TAPBPL: variants seen among roughly 807,000 people sequenced by gnomAD.
TAPBPL encodes TAP binding protein like.
Under a neutral mutation model 44.8 loss-of-function variants are expected in TAPBPL, and 32 were observed. The observed-to-expected ratio is 0.71, with a 90% CI of 0.54 to 0.96. The LOEUF (loss-of-function observed/expected upper bound fraction) is 0.96. Among genes scored for constraint, TAPBPL ranks in the 40% least tolerant of loss-of-function variants. The pLI is 0.00. For missense variants in TAPBPL, 520 were observed against 586.6 expected, an observed-to-expected ratio of 0.89 and a Z score of 1.17; for synonymous variants, 230 against 240.7, an observed-to-expected ratio of 0.96 and a Z score of 0.41.
In TAPBPL at chr12:6,452,598, A is replaced by G. The variant is rs991186124; in HGVS notation, c.64+286A>G. ...GCACTGGCCTGGGAGCTGACACTTC[A>G]GAAGAGGAAAGGACTCCCCAGGTGA... On this transcript the variant is annotated intron_variant, in intron 1 of 6. Transcript: ENST00000266556. 7 of 1,333,428 alleles carry G rather than the reference A, an allele frequency of 5.2e-6. No individual in the cohort carries two copies. In the African/African-American group the frequency reaches 1.0e-4, roughly 20 times the overall value. 82.6% of individuals were successfully genotyped at this position (1,333,428 alleles called of 1,614,324 possible). A position where few individuals can be genotyped will look rare whatever the true frequency, so the allele number is the denominator to read the frequency against.
intron 1 of TAPBPL, 157 bp downstream of exon 1, chr12:6,452,469 G>C: frequency 7.0e-7 from 1 of 1,429,038 alleles, no homozygotes; most frequent in East Asian, 2.6e-5. Flanking sequence ...GCAAAGGAAG[G>C]AACCAATAGT....
chr12:6,458,876 C>T lies in TAPBPL; in HGVS notation c.1136C>T (p.Thr379Ile). The T allele has an allele frequency of 1.2e-6, 2 of 1,614,198 alleles. No individual in the cohort carries two copies. Among genetic ancestry groups the T allele is most frequent in the Admixed American group, 1.7e-5 (1 of 60,022 alleles). ...LTAEPGSAGA[T>I]YTCQVTHISL... ...GCAGAACCTGGCTCTGCAGGTGCCA[C>T]TTACACCTGCCAGGTCACACACATC... Residue 379 changes from threonine to isoleucine, a missense_variant, in exon 5 of 7, where the codon ACT becomes ATT. Transcript: ENST00000266556.
chr12:6,463,896 TAACTA>T (rs1485331581), downstream of TAPBPL: 16 of 1,285,154 alleles, frequency 1.2e-5, no homozygotes, highest in African/African-American at 2.4e-4. The surrounding 1 kb of genome is among the most constrained non-coding windows in gnomAD (Gnocchi z 4.0). Flanking sequence ...AGATTAGAAA[TAACTA>T]CAAAAAACAA....
chr12:6,463,991 C>T, downstream of TAPBPL: 1 of 1,291,432 alleles, frequency 7.7e-7, no homozygotes, highest in Non-Finnish European at 1.0e-6. The surrounding 1 kb of genome is among the most constrained non-coding windows in gnomAD (Gnocchi z 4.0). Context: ...CAGGCCTGGT[C>T]CAGGAAGGAA....
downstream of TAPBPL, chr12:6,463,067 C>T (rs1949922430): frequency 1.3e-6 from 2 of 1,536,634 alleles, no homozygotes; most frequent in African/African-American, 1.4e-5. The surrounding 1 kb of genome is among the most constrained non-coding windows in gnomAD (Gnocchi z 4.0). Flanking sequence ...GCTTATCCCA[C>T]ATTAATAGCC....
Position 6,462,070 on chromosome 12 carries a change from G to A in TAPBPL, c.1328G>A (p.Trp443Ter), listed in dbSNP as rs760341891. Residue 443 changes from tryptophan to a stop codon, truncating the protein, a stop_gained, in exon 7 of 7, where the codon TGG becomes TAG. Coordinates refer to ENST00000266556, the MANE Select transcript of TAPBPL (RefSeq NM_018009.5). LOFTEE classifies it low-confidence loss of function (END_TRUNC). ...TGLGLLQAER[W>*]ETTSCADTQS... ...CTTGGGCTGCTTCAGGCTGAACGCT[G>A]GGAGACCACTTCCTGTGCTGACACA... The A allele has an allele frequency of 1.7e-5, 28 of 1,613,638 alleles. No individual in the cohort carries two copies. Among genetic ancestry groups the A allele is most frequent in the East Asian group, 6.7e-5 (3 of 44,880 alleles).
In TAPBPL at chr12:6,453,784, G is replaced by A. The variant is rs1949631056; in HGVS notation, c.565+68G>A. On this transcript the variant is annotated intron_variant, in intron 3 of 6. Transcript: ENST00000266556. This position sits in a 1 kb window ranked among gnomAD's most constrained non-coding sequence, Gnocchi z 4.8. ...TGTAATTCCAGAATTTTGGGATACC[G>A]AGGTCGGTGGATCACCTGAGGTCAG... is the stretch of plus-strand genomic sequence containing the variant. 13 of 1,468,902 alleles carry A rather than the reference G, an allele frequency of 8.9e-6. No individual in the cohort carries two copies. Among genetic ancestry groups the A allele is most frequent in the Non-Finnish European group, 1.1e-5 (12 of 1,113,868 alleles). The allele number at this position is 1,468,902 out of a possible 1,614,324, so 91.0% of individuals were successfully genotyped here. A position where few individuals can be genotyped will look rare whatever the true frequency, so the allele number is the denominator to read the frequency against.
chr12:6,452,095 A>G lies in TAPBPL; in HGVS notation c.-154A>G, dbSNP rs1240499775. The G allele has an allele frequency of 3.4e-6, 3 of 894,010 alleles. No individual in the cohort carries two copies. The highest frequency in any genetic ancestry group is 1.7e-5 in the African/African-American group (1 of 59,612). The allele number at this position is 894,010 out of a possible 1,614,324, so 55.4% of individuals were successfully genotyped here. A position where few individuals can be genotyped will look rare whatever the true frequency, so the allele number is the denominator to read the frequency against. On this transcript the variant is annotated 5_prime_UTR_variant, in exon 1 of 7. Transcript: ENST00000266556. ...CCATCTTGCTCTAAGTGAAAGTGAA[A>G]GAAAAGTCGGCAGCAGAGGGAACAG...
chr12:6,466,259 C>T, downstream of TAPBPL: 1 of 1,614,208 alleles, frequency 6.2e-7, no homozygotes, highest in Non-Finnish European at 8.5e-7. Flanking sequence ...CTGTAGTCGT[C>T]TGTTACTGGT....
At chr12:6,468,762 C>A (rs1169609721), downstream of TAPBPL, among the ~76,000 whole-genome samples, 3 of 152,184 alleles carry the variant, frequency 2.0e-5, no homozygotes, top group Non-Finnish European at 2.9e-5. Context: ...GCTAAACTCA[C>A]CTCCTAAAGA....
At chr12:6,470,588 C>T (rs1406247534), downstream of TAPBPL, 3 of 1,609,904 alleles carry the variant, frequency 1.9e-6, no homozygotes, top group Non-Finnish European at 1.7e-6. Flanking sequence ...GCGAGACACC[C>T]GGTGAGGGAC....
At chr12:6,458,596 T>G (rs1188299327) in intron 4 of TAPBPL, 49 bp from the exon 5 acceptor site, 1 of 1,592,294 alleles carries the variant, frequency 6.3e-7, no homozygotes, top group Non-Finnish European at 8.6e-7. Flanking sequence ...GCTCCTCCGC[T>G]GTCCCCAGTT....
Position 6,458,766 on chromosome 12 carries a change from A to C in TAPBPL, c.1026A>C (p.Gly342=). 6.2e-7 allele frequency: 1 copy of C among 1,614,086 alleles called. No homozygotes were observed. Among genetic ancestry groups the C allele is most frequent in the Non-Finnish European group, 8.5e-7 (1 of 1,180,028 alleles). Residue 342 remains glycine, a synonymous_variant, in exon 5 of 7, where the codon GGA becomes GGC. Coordinates refer to ENST00000266556, the MANE Select transcript of TAPBPL (RefSeq NM_018009.5). ...VVTWTREELG[G]SPAQVSGASF... is the part of the protein sequence containing the mutation. ...CGTGGACCCGAGAGGAGCTGGGTGG[A>C]TCCCCAGCCCAAGTCTCTGGTGCCT... is the stretch of plus-strand genomic sequence containing the variant.
chr12:6,467,372 T>C (rs919362453), downstream of TAPBPL, among the ~76,000 whole-genome samples: 4 of 152,180 alleles, frequency 2.6e-5, no homozygotes, highest in Admixed American at 1.3e-4. Flanking sequence ...GTTAGTGATA[T>C]GAACAATAAG....
downstream of TAPBPL, chr12:6,463,759 C>A: frequency 8.6e-7 from 1 of 1,168,276 alleles, no homozygotes; most frequent in African/African-American, 1.6e-5. The surrounding 1 kb of genome is among the most constrained non-coding windows in gnomAD (Gnocchi z 4.0). Flanking sequence ...CAGCTAGAAG[C>A]ACATGGGACT....
At chr12:6,466,545 A>C, downstream of TAPBPL, 1 of 518,866 alleles carries the variant, frequency 1.9e-6, no homozygotes, top group East Asian at 3.5e-5. Flanking sequence ...GAAAGGACTC[A>C]CATGCATCCT....
chr12:6,464,499 A>G, downstream of TAPBPL: 1 of 1,507,512 alleles, frequency 6.6e-7, no homozygotes, highest in Non-Finnish European at 8.9e-7. Flanking sequence ...GGACACAGGA[A>G]TCAGGAAGTC....
rs756316246 is a variant in TAPBPL, at chr12:6,457,475, G to A, written c.635G>A (p.Cys212Tyr). 5.6e-6 allele frequency: 9 copies of A among 1,614,232 alleles called. No homozygotes were observed. Among genetic ancestry groups the A allele is most frequent in the Non-Finnish European group, 7.6e-6 (9 of 1,180,044 alleles). Reference protein sequence around the residue: ...FLLGSSASLDCGFSMAPGLDL... With the variant: ...FLLGSSASLDYGFSMAPGLDL... ...CTGGGGTCCTCAGCCTCCTTGGACTGTGGCTTCTCCATGGCACCGGGCTTG... is the reference window on the plus strand; with the variant it reads ...CTGGGGTCCTCAGCCTCCTTGGACTATGGCTTCTCCATGGCACCGGGCTTG... The change falls in exon 4 of 7, where the codon TGT (cysteine) becomes TAT (tyrosine). Residue 212 changes from cysteine (C) to tyrosine (Y), a missense_variant. Physicochemically the swap from Cys to Tyr is radical, Grantham distance 194. Transcript: ENST00000266556.
chr12:6,452,485 T>C, intron 1 of TAPBPL, 173 bp downstream of exon 1: 1 of 1,431,194 alleles, frequency 7.0e-7, no homozygotes, highest in Non-Finnish European at 9.2e-7. Flanking sequence ...ATAGTGTGTG[T>C]GGAGGGAGGG....
Sources: allele counts gnomAD v4.1 joint callset (sites outside exome capture counted in the v4.1 genomes callset), GRCh38; gene constraint gnomAD v4.1.1; non-coding constraint Gnocchi (gnomAD v3.1); transcripts MANE v1.5; gene names NCBI Gene and HGNC (gene_info 2026-07-23, HGNC 2026-07-21).